The following SLCO3A1 variants were observed in gnomAD, a reference collection of about 807,000 sequenced individuals.
The protein encoded by SLCO3A1 is solute carrier organic anion transporter family member 3A1.
In SLCO3A1, 27 loss-of-function variants were observed where a neutral mutation model predicts 63.1. The observed-to-expected ratio is 0.43, with a 90% CI of 0.32 to 0.59. The LOEUF (loss-of-function observed/expected upper bound fraction) is 0.59. SLCO3A1 is among the 20% of genes least tolerant of loss of function. The probability of loss-of-function intolerance (pLI) is 0.09; values close to 1 mark genes in which losing one functional copy is unlikely to be tolerated. For synonymous variants in SLCO3A1, 473 were observed against 409.9 expected, an observed-to-expected ratio of 1.15 and a Z score of -1.86; for missense variants, 773 against 945.8, an observed-to-expected ratio of 0.82 and a Z score of 2.40.
intron 1 of SLCO3A1, among the ~76,000 whole-genome samples, chr15:91,857,625 C>T (rs925370392): frequency 6.6e-6 from 1 of 152,152 alleles, no homozygotes; most frequent in Non-Finnish European, 1.5e-5. Context: ...CATATGAGAA[C>T]TGCATGGGGA....
Position 91,993,039 on chromosome 15 carries a change from T to G in SLCO3A1, c.646+76581T>G, listed in dbSNP as rs1597199045. On this transcript the variant is annotated intron_variant, in intron 2 of 9. Coordinates refer to ENST00000318445, the MANE Select transcript of SLCO3A1 (RefSeq NM_013272.4). The stretch of plus-strand genomic sequence containing the variant: ...TTTCTTAAGTCATTAGGTACAACCT[T>G]TCTGGCGTGTGTCTAGACTCACTGG... 2.6e-5 allele frequency among the ~76,000 whole-genome samples: 4 copies of G among 152,286 alleles called. No homozygotes were observed. The South Asian group carries it at 8.3e-4, about 32-fold the overall frequency.
intron 4 of SLCO3A1, among the ~76,000 whole-genome samples, chr15:92,109,119 C>T (rs1053334896): frequency 1.3e-5 from 2 of 152,154 alleles, no homozygotes; most frequent in African/African-American, 2.4e-5. Flanking sequence ...GACGCATGCA[C>T]AGATAGCAGG....
chr15:91,964,429 T>C (rs533875047), intron 2 of SLCO3A1, among the ~76,000 whole-genome samples: 116 of 152,276 alleles, frequency 7.6e-4, no homozygotes, highest in African/African-American at 2.8e-3. Flanking sequence ...ACATGCATCA[T>C]TGCTTTTTTT....
intron 2 of SLCO3A1, among the ~76,000 whole-genome samples, chr15:91,978,724 C>T (rs1381761547): frequency 6.6e-6 from 1 of 152,158 alleles, no homozygotes; most frequent in Admixed American, 6.5e-5. Context: ...ATAGATTAAA[C>T]TAAACTTATA....
rs1165558237 is a variant in SLCO3A1 at position 91,872,408 on chromosome 15, T to C, written c.180+18320T>C. On this transcript the variant is annotated intron_variant, in intron 1 of 9. Coordinates refer to ENST00000318445, the MANE Select transcript of SLCO3A1 (RefSeq NM_013272.4). The surrounding 1 kb of genome is among the most constrained non-coding windows in gnomAD (Gnocchi z 4.1). ...ATAGCCGGGCATGGTGGCAGTTGCC[T>C]GTAATCCCAGCTACTCGGCGGGCTG... Among the ~76,000 whole-genome samples the C allele has an allele frequency of 2.0e-5, 3 of 152,000 alleles. No homozygotes were observed. The highest frequency in any genetic ancestry group is 1.9e-4 in the East Asian group (1 of 5,170).
intron 2 of SLCO3A1, among the ~76,000 whole-genome samples, chr15:92,061,846 C>G (rs2047089880): frequency 1.3e-5 from 2 of 152,234 alleles, no homozygotes; most frequent in South Asian, 4.1e-4. Flanking sequence ...CATCCTTACA[C>G]AAGGGCCTCC....
chr15:91,906,525 T>A (rs1898313883), intron 1 of SLCO3A1, among the ~76,000 whole-genome samples: 1 of 152,186 alleles, frequency 6.6e-6, no homozygotes, highest in Non-Finnish European at 1.5e-5. Flanking sequence ...AGAAGCCCAA[T>A]TCAGTGAAAA....
intron 2 of SLCO3A1, among the ~76,000 whole-genome samples, chr15:92,055,360 G>A (rs1184213241): frequency 6.6e-6 from 1 of 152,118 alleles, no homozygotes; most frequent in African/African-American, 2.4e-5. Context: ...TTTGTTAGAT[G>A]GATAGATTGC....
rs138876565 is a variant in SLCO3A1 at position 92,171,519 on chromosome 15, C to G, written c.1997-261C>G. On this transcript the variant is annotated intron_variant, in intron 10 of 10. Coordinates refer to the SLCO3A1 transcript ENST00000424469. ...GATACATCTTACTCATCCCCGACAT[C>G]TGCTTGGCTGTGGGGTTGGTCATGT... 2.1e-3 allele frequency: 873 copies of G among 424,484 alleles called. 10 individuals are homozygous for G. The highest frequency in any genetic ancestry group is 0.016 in the African/African-American group (809 of 50,086). The allele number at this position is 424,484 out of a possible 1,614,324, so 26.3% of individuals were successfully genotyped here.
chr15:91,888,652 T>C, intron 1 of SLCO3A1, among the ~76,000 whole-genome samples: 1 of 152,138 alleles, frequency 6.6e-6, no homozygotes, highest in South Asian at 2.1e-4. Flanking sequence ...CTACCTGCTA[T>C]GTAATAAATG....
intron 7 of SLCO3A1, among the ~76,000 whole-genome samples, chr15:92,143,460 AT>A (rs1334149896): frequency 1.7e-4 from 2 of 11,678 alleles, no homozygotes; most frequent in African/African-American, 2.4e-3. Flanking sequence ...AATATATATA[AT>A]ATATATAAAT....
chr15:91,949,306 GT>G (rs1899917077), intron 2 of SLCO3A1, among the ~76,000 whole-genome samples: 3 of 152,152 alleles, frequency 2.0e-5, no homozygotes, highest in African/African-American at 7.2e-5. Context: ...TTTCTCATCT[GT>G]TAGTGGGGAT....
intron 7 of SLCO3A1, among the ~76,000 whole-genome samples, chr15:92,141,810 C>CTTGT (rs2048136238): frequency 6.6e-5 from 10 of 152,338 alleles, no homozygotes; most frequent in African/African-American, 2.4e-4. Flanking sequence ...CTTAGCACAA[C>CTTGT]GTTGGACAAA....
chr15:91,923,243 A>G (rs1294737217), intron 2 of SLCO3A1, among the ~76,000 whole-genome samples: 1 of 152,220 alleles, frequency 6.6e-6, no homozygotes, highest in African/African-American at 2.4e-5. Context: ...TGGTCATAGC[A>G]TCTCCATTTC....
intron 9 of SLCO3A1, among the ~76,000 whole-genome samples, chr15:92,156,630 G>A (rs1418236467): frequency 6.6e-6 from 1 of 152,228 alleles, no homozygotes; most frequent in African/African-American, 2.4e-5. Context: ...AAACAGCCCA[G>A]ATTCTTTCTT....
At chr15:91,997,087 T>G (rs1056218735) in intron 2 of SLCO3A1, among the ~76,000 whole-genome samples, 1 of 152,180 alleles carries the variant, frequency 6.6e-6, no homozygotes, top group African/African-American at 2.4e-5. Flanking sequence ...GATGTGACTC[T>G]ACACCTAGAA....
At chr15:91,938,252 T>C (rs1288728674) in intron 2 of SLCO3A1, among the ~76,000 whole-genome samples, 1 of 152,184 alleles carries the variant, frequency 6.6e-6, no homozygotes, top group East Asian at 1.9e-4. Flanking sequence ...TTAGGTATTG[T>C]CTAGAAAATC....
intron 7 of SLCO3A1, among the ~76,000 whole-genome samples, chr15:92,135,878 A>C (rs552516700): frequency 9.8e-4 from 149 of 152,256 alleles, no homozygotes; most frequent in Non-Finnish European, 1.8e-3. Flanking sequence ...ATTTCTAGAA[A>C]CTGCCAGAGC....
chr15:91,923,726 G>GTAGT (rs1407710573), intron 2 of SLCO3A1, among the ~76,000 whole-genome samples: 1 of 152,224 alleles, frequency 6.6e-6, no homozygotes, highest in African/African-American at 2.4e-5. Flanking sequence ...ATTATTGTCA[G>GTAGT]TAGTTAGGTA....
Sources: gnomAD v4.1 joint callset for allele counts (sites outside exome capture counted in the v4.1 genomes callset) on GRCh38, gnomAD v4.1.1 for gene constraint, Gnocchi (gnomAD v3.1) non-coding constraint, MANE v1.5 for transcripts, NCBI Gene and HGNC (gene_info 2026-07-23, HGNC 2026-07-21) for gene names.